The following CRPPA variants were observed in gnomAD, a reference collection of about 807,000 sequenced individuals.
The protein encoded by CRPPA is D-ribitol-5-phosphate cytidylyltransferase.
A neutral mutation model predicts 52.0 loss-of-function variants in CRPPA; 43 were observed. The ratio of observed to expected loss-of-function variants is 0.83; its 90% CI spans 0.65 to 1.07. CRPPA has a LOEUF of 1.07. CRPPA is among the 50% of genes least tolerant of loss of function. The pLI is 0.00. For synonymous variants in CRPPA, 250 were observed against 203.5 expected (o/e 1.23, Z -1.94); for missense variants, 629 against 551.7 (o/e 1.14, Z -1.40).
intron 3 of CRPPA, among the ~76,000 whole-genome samples, chr7:16,325,735 C>T (rs10225332): frequency 0.45 from 68,510 of 151,746 alleles, 15,716 homozygotes; most frequent in South Asian, 0.6. Flanking sequence ...TCATCATCTG[C>T]TTGAACTGTG....
In CRPPA at chr7:16,091,775, A is replaced by T; in HGVS notation, c.1276T>A (p.Leu426Ile). The T allele has an allele frequency of 6.5e-7, 1 of 1,549,578 alleles. No individual in the cohort carries two copies. The highest frequency in any genetic ancestry group is 8.7e-7 in the Non-Finnish European group (1 of 1,145,348). The change falls in exon 10 of 10, where the codon TTA becomes ATA. Residue 426 changes from leucine to isoleucine, a missense_variant. Physicochemically the swap from Leu to Ile is conservative, Grantham distance 5 (BLOSUM62 2). Coordinates refer to ENST00000407010, the MANE Select transcript of CRPPA (RefSeq NM_001101426.4). Reference protein sequence around the residue: ...PQDDQKLQESLRQGAIIIASL... With the variant: ...PQDDQKLQESIRQGAIIIASL... Reference sequence around the variant, plus strand: ...GCAATAATGATAGCACCTTGCCTTAAACTCTCCTGTAGCTTCTGATCATCC... The same window carrying T: ...GCAATAATGATAGCACCTTGCCTTATACTCTCCTGTAGCTTCTGATCATCC...
At chr7:16,416,438 C>T (rs1788195133) in intron 1 of CRPPA, among the ~76,000 whole-genome samples, 1 of 152,140 alleles carries the variant, frequency 6.6e-6, no homozygotes, top group African/African-American at 2.4e-5. Context: ...CTAGTAAACA[C>T]CATTCTGGGC....
chr7:16,331,765 G>A (rs1168329701), intron 3 of CRPPA, among the ~76,000 whole-genome samples: 1 of 152,242 alleles, frequency 6.6e-6, no homozygotes, highest in South Asian at 2.1e-4. Context: ...GAATCTCTGA[G>A]CTTGAGGTTA....
chr7:16,341,289 A>G (rs1785821532), intron 3 of CRPPA, among the ~76,000 whole-genome samples: 1 of 150,194 alleles, frequency 6.7e-6, no homozygotes, highest in Admixed American at 6.6e-5. Flanking sequence ...CAATGGTTTA[A>G]AAAAAAAACA....
At chr7:16,175,996 T>G (rs1261473259) in intron 9 of CRPPA, among the ~76,000 whole-genome samples, 1 of 152,126 alleles carries the variant, frequency 6.6e-6, no homozygotes, top group Non-Finnish European at 1.5e-5. Context: ...GGCGAAAAGC[T>G]TCTTATTTAT....
chr7:16,295,776 T>C (rs1045580687), intron 5 of CRPPA, among the ~76,000 whole-genome samples: 5 of 152,096 alleles, frequency 3.3e-5, no homozygotes, highest in Non-Finnish European at 5.9e-5. Context: ...CTTTAATCAT[T>C]TGGGTTCATC....
intron 9 of CRPPA, among the ~76,000 whole-genome samples, chr7:16,118,789 AT>A (rs1456303541): frequency 2.6e-5 from 4 of 152,346 alleles, no homozygotes; most frequent in African/African-American, 9.6e-5. Flanking sequence ...AATCTGAAGT[AT>A]AAATCCTAGC....
At chr7:16,280,187 T>C (rs1473825078) in intron 5 of CRPPA, among the ~76,000 whole-genome samples, 1 of 152,192 alleles carries the variant, frequency 6.6e-6, no homozygotes, top group East Asian at 1.9e-4. Flanking sequence ...AGCCAAACCA[T>C]GTCAAAAGAC....
intron 3 of CRPPA, among the ~76,000 whole-genome samples, chr7:16,331,706 G>A (rs938456532): frequency 1.3e-5 from 2 of 152,150 alleles, no homozygotes; most frequent in African/African-American, 4.8e-5. Flanking sequence ...TAATAGAAAT[G>A]AAGAATGCCT....
At position 16,194,231 on chromosome 7, in the gene CRPPA, A is replaced by T. The variant is rs1017195746; in HGVS notation, c.1251+21835T>A. On this transcript the variant is annotated intron_variant, in intron 9 of 9. Transcript: ENST00000407010. The stretch of plus-strand genomic sequence containing the variant: ...GGGGAGAATGTGAACTGAGATTTTA[A>T]TTCATTAGACATAACACTATTGCCC... 3.9e-5 allele frequency among the ~76,000 whole-genome samples: 6 copies of T among 152,248 alleles called. No homozygotes were observed. In the East Asian group the frequency reaches 9.7e-4, roughly 25 times the overall value.
At chr7:16,098,568 C>G (rs1039841880) in intron 9 of CRPPA, among the ~76,000 whole-genome samples, 4 of 152,154 alleles carry the variant, frequency 2.6e-5, no homozygotes, top group African/African-American at 4.8e-5. Flanking sequence ...CAAAAATGTA[C>G]TAGCTATATT....
At chr7:16,213,041 A>C (rs1442579435) in intron 9 of CRPPA, among the ~76,000 whole-genome samples, 1 of 152,214 alleles carries the variant, frequency 6.6e-6, no homozygotes, top group Non-Finnish European at 1.5e-5. Flanking sequence ...GCAAAATTGA[A>C]AAATATATAG....
At chr7:16,129,980 G>A (rs573643889) in intron 9 of CRPPA, among the ~76,000 whole-genome samples, 1 of 152,188 alleles carries the variant, frequency 6.6e-6, no homozygotes, top group South Asian at 2.1e-4. Flanking sequence ...GAATGAGGAA[G>A]CACACAAATA....
At chr7:16,336,731 G>C (rs2128431858) in intron 3 of CRPPA, among the ~76,000 whole-genome samples, 1 of 152,124 alleles carries the variant, frequency 6.6e-6, no homozygotes, top group Middle Eastern at 3.4e-3. Flanking sequence ...CCAACCATAT[G>C]CTGCCTAAAT....
intron 9 of CRPPA, among the ~76,000 whole-genome samples, chr7:16,209,790 A>G (rs1024941931): frequency 6.6e-6 from 1 of 152,250 alleles, no homozygotes; most frequent in African/African-American, 2.4e-5. Flanking sequence ...TTTTTTAAAA[A>G]TTTAAGTTTG....
intron 2 of CRPPA, among the ~76,000 whole-genome samples, chr7:16,383,083 T>C (rs1310260529): frequency 1.3e-5 from 2 of 152,228 alleles, no homozygotes; most frequent in African/African-American, 4.8e-5. Context: ...TTTTAGAGTT[T>C]CCAGTTTTTC....
chr7:16,307,379 T>C (rs1373574526), intron 4 of CRPPA, among the ~76,000 whole-genome samples: 1 of 152,054 alleles, frequency 6.6e-6, no homozygotes, highest in Non-Finnish European at 1.5e-5. Context: ...ATAAGTATTC[T>C]ATTCCCTCCA....
intron 3 of CRPPA, among the ~76,000 whole-genome samples, chr7:16,310,878 A>G (rs1785021892): frequency 1.3e-5 from 2 of 152,178 alleles, no homozygotes; most frequent in Non-Finnish European, 2.9e-5. Flanking sequence ...AAGCAAATTA[A>G]TCACAATTCT....
Position 16,421,351 on chromosome 7 carries a change from A to G in CRPPA, c.-29T>C. 8.1e-7 allele frequency: 1 copy of G among 1,232,230 alleles called. No homozygotes were observed. The highest frequency in any genetic ancestry group is 1.0e-6 in the Non-Finnish European group (1 of 986,460). The allele number at this position is 1,232,230 out of a possible 1,614,324, so 76.3% of individuals were successfully genotyped here. ...TGCGGGCGGAACGGCGAGCCCCGCT[A>G]GCCTCGGGCCGATGCGACCCCGCGC... On this transcript the variant is annotated 5_prime_UTR_variant, in exon 1 of 10. Coordinates refer to ENST00000407010, the MANE Select transcript of CRPPA (RefSeq NM_001101426.4).
Sources: gnomAD v4.1 joint callset for allele counts (sites outside exome capture counted in the v4.1 genomes callset) on GRCh38, gnomAD v4.1.1 for gene constraint, MANE v1.5 for transcripts, NCBI Gene and HGNC (gene_info 2026-07-23, HGNC 2026-07-21) for gene names.